Variants in ZNF677 observed in about 807,000 individuals in gnomAD.
ZNF677 encodes the protein hypothetical protein MGC48625.
In ZNF677, 5 loss-of-function variants were observed where a neutral mutation model predicts 8.1. The ratio of observed to expected loss-of-function variants is 0.62; its 90% CI spans 0.32 to 1.29. The LOEUF (loss-of-function observed/expected upper bound fraction) is 1.29. Ranked by LOEUF, ZNF677 falls within the 50% of genes most tolerant of loss-of-function variation. ZNF677 has a pLI of 0.05. For missense variants in ZNF677, 685 were observed against 685.9 expected, an observed-to-expected ratio of 1.00 and a Z score of 0.01; for synonymous variants, 221 against 225.6, an observed-to-expected ratio of 0.98 and a Z score of 0.18.
chr19:53,253,635 C>T (rs1386886972), intron 1 of ZNF677, among the ~76,000 whole-genome samples: 1 of 151,968 alleles, frequency 6.6e-6, no homozygotes, highest in East Asian at 1.9e-4. Context: ...TGCAGTGAGC[C>T]GAGATCAAGC....
intron 4 of ZNF677, chr19:53,239,321 A>G (rs536743941): frequency 6.6e-6 from 1 of 152,354 alleles, no homozygotes; most frequent in East Asian, 1.9e-4. Flanking sequence ...CTTATGAACT[A>G]CAGAAAAAAC....
chr19:53,236,819 T>C lies in ZNF677; in HGVS notation c.*153A>G, dbSNP rs372926616. On this transcript the variant is annotated 3_prime_UTR_variant, in exon 5 of 5. Coordinates refer to ENST00000598513, the MANE Select transcript of ZNF677 (RefSeq NM_182609.4). ...AGAATTCTATGATGTTCCACAAGGC[T>C]TGAACTTTGGATAAGCCTTGCCATA... 1 of 638,100 alleles carries C rather than the reference T, an allele frequency of 1.6e-6. No individual in the cohort carries two copies. 39.5% of individuals were successfully genotyped at this position (638,100 alleles called of 1,614,324 possible).
intron 3 of ZNF677, among the ~76,000 whole-genome samples, chr19:53,244,724 C>T (rs1246732264): frequency 1.3e-5 from 2 of 152,138 alleles, no homozygotes; most frequent in African/African-American, 2.4e-5. Flanking sequence ...ATCACAGTGA[C>T]ACTTTTTACA....
intron 3 of ZNF677, among the ~76,000 whole-genome samples, chr19:53,247,200 A>G (rs984438440): frequency 6.6e-6 from 1 of 152,158 alleles, no homozygotes. Context: ...CCTGGAGAAT[A>G]TGCTATGTGC....
At chr19:53,240,198 T>C (rs1195531248) in intron 4 of ZNF677, 1 of 152,158 alleles carries the variant, frequency 6.6e-6, no homozygotes, top group Non-Finnish European at 1.5e-5. Context: ...TATTCTGTGC[T>C]AAAAAGAAAT....
Position 53,237,007 on chromosome 19 carries a change from T to C in ZNF677, c.1720A>G (p.Asn574Asp). 1 of 1,585,756 alleles carries C rather than the reference T, an allele frequency of 6.3e-7. No individual in the cohort carries two copies. Among genetic ancestry groups the C allele is most frequent in the South Asian group, 1.2e-5 (1 of 84,664 alleles). The change falls in exon 5 of 5, where the codon AAT (asparagine) becomes GAT (aspartate). Residue 574 changes from asparagine to aspartate, a missense_variant. Coordinates refer to ENST00000598513, the MANE Select transcript of ZNF677 (RefSeq NM_182609.4). The stretch of plus-strand genomic sequence containing the variant: ...CTTGAATACTTAATTTTTGTCTCAT[T>C]ATATTTGATATGTTTTTCTCTATTA... ...SYNREKHIKY[N>D]ETKIKYSSCT
chr19:53,241,145 GA>G, intron 4 of ZNF677: 1 of 151,968 alleles, frequency 6.6e-6, no homozygotes, highest in East Asian at 1.9e-4. Flanking sequence ...ACTCAAGGAA[GA>G]AATCTTCTGG....
chr19:53,245,859 A>G (rs928161531), intron 3 of ZNF677, among the ~76,000 whole-genome samples: 2 of 151,996 alleles, frequency 1.3e-5, no homozygotes, highest in Non-Finnish European at 2.9e-5. Flanking sequence ...TAAAAACATA[A>G]AAATTAGCCA....
At chr19:53,254,336 C>G (rs1410506494) in intron 1 of ZNF677, among the ~76,000 whole-genome samples, 1 of 152,042 alleles carries the variant, frequency 6.6e-6, no homozygotes, top group Non-Finnish European at 1.5e-5. Flanking sequence ...GCTTCCCTTC[C>G]TCTCCTTCTC....
chr19:53,238,387 C>G lies in ZNF677; in HGVS notation c.340G>C (p.Val114Leu), dbSNP rs1358046831. The G allele has an allele frequency of 6.2e-7, 1 of 1,613,604 alleles. No homozygotes were observed. Among genetic ancestry groups the G allele is most frequent in the South Asian group, 1.1e-5 (1 of 90,916 alleles). The change falls in exon 5 of 5, where the codon GTA becomes CTA. Residue 114 changes from valine to leucine, a missense_variant. Val to Leu is a conservative substitution (Grantham distance 32, BLOSUM62 1). Coordinates refer to ENST00000598513, the MANE Select transcript of ZNF677 (RefSeq NM_182609.4). ...PKFDSLWDYD[V>L]KNYKGMPLTC... The stretch of plus-strand genomic sequence containing the variant: ...AAAGGCATTCCTTTGTAATTTTTTA[C>G]ATCATAGTCCCACAGGCTGTCAAAC...
Position 53,237,422 on chromosome 19 carries a change from C to G in ZNF677, c.1305G>C (p.Val435=), listed in dbSNP as rs1341959139. The change falls in exon 5 of 5, where the codon GTG becomes GTC. Residue 435 remains valine, a synonymous_variant. Transcript: ENST00000598513. ...AACTTTGGATAAAAGCCCTGCCACA[C>G]ACATTACATTTGTGTGGTTTCTCTC... ...HPGEKPHKCN[V]CGRAFIQSSS... The G allele has an allele frequency of 3.1e-6, 5 of 1,613,942 alleles. No individual in the cohort carries two copies. The East Asian group carries it at 8.9e-5, about 29-fold the overall frequency.
chr19:53,238,142 T>C lies in ZNF677; in HGVS notation c.585A>G (p.Leu195=), dbSNP rs2090995227. The C allele has an allele frequency of 3.1e-6, 5 of 1,613,648 alleles. No homozygotes were observed. The East Asian group carries it at 1.1e-4, about 36-fold the overall frequency. Residue 195 remains leucine (L), a synonymous_variant, in exon 5 of 5, where the codon TTA becomes TTG. Coordinates refer to ENST00000598513, the MANE Select transcript of ZNF677 (RefSeq NM_182609.4). Reference sequence around the variant, plus strand: ...TCTGTAGTTCAGCCAGCTGTGCCTGTAAGCTTAATCCAATTTTATTTTCAA... The same window carrying C: ...TCTGTAGTTCAGCCAGCTGTGCCTGCAAGCTTAATCCAATTTTATTTTCAA... The part of the protein sequence containing the change: ...KCFENKIGLS[L]QAQLAELQRF...
intron 1 of ZNF677, among the ~76,000 whole-genome samples, chr19:53,254,207 CT>C (rs1356762717): frequency 6.6e-6 from 1 of 152,086 alleles, no homozygotes; most frequent in Non-Finnish European, 1.5e-5. Flanking sequence ...GTGCCCCCCC[CT>C]TTCTCCACCA....
Position 53,237,181 on chromosome 19 carries a change from T to C in ZNF677, c.1546A>G (p.Lys516Glu). 1.2e-6 allele frequency: 2 copies of C among 1,613,094 alleles called. No individual in the cohort carries two copies. Among genetic ancestry groups the C allele is most frequent in the South Asian group, 2.2e-5 (2 of 91,014 alleles). ...KKIHTGEKPY[K>E]CTECGKAFTQ... ...AAAGCTTTGCCACATTCAGTACATTTGTAAGGTTTCTCTCCAGTATGGATT... is the reference window on the plus strand; with the variant it reads ...AAAGCTTTGCCACATTCAGTACATTCGTAAGGTTTCTCTCCAGTATGGATT... The change falls in exon 5 of 5, where the codon AAA becomes GAA. Residue 516 changes from lysine (K) to glutamate (E), a missense_variant. By Grantham distance (56) the Lys-to-Glu change is moderately conservative (BLOSUM62 1). Transcript: ENST00000598513.
In ZNF677 at chr19:53,236,212, G is replaced by T. The variant is rs1489474461; in HGVS notation, c.*760C>A. 1 of 151,934 alleles carries T rather than the reference G, an allele frequency of 6.6e-6. No individual in the cohort carries two copies. The highest frequency in any genetic ancestry group is 1.5e-5 in the Non-Finnish European group (1 of 67,948). 9.4% of individuals were successfully genotyped at this position (151,934 alleles called of 1,614,324 possible). ...GAGCAAGACTCTGTCTCCAAAAAAA[G>T]AAAAAATTAGTGTTCTTGCTTTTTC... On this transcript the variant is annotated 3_prime_UTR_variant, in exon 5 of 5. Transcript: ENST00000598513.
chr19:53,247,877 C>A (rs931462711), intron 3 of ZNF677, among the ~76,000 whole-genome samples: 1 of 152,130 alleles, frequency 6.6e-6, no homozygotes, highest in Non-Finnish European at 1.5e-5. Flanking sequence ...TAAAGGAAGT[C>A]TTTTATAAAC....
At chr19:53,253,532 T>C (rs1335269314) in intron 1 of ZNF677, among the ~76,000 whole-genome samples, 1 of 152,002 alleles carries the variant, frequency 6.6e-6, no homozygotes. Flanking sequence ...CTGCTAAAAA[T>C]ACAAATTCAC....
rs1247073923 is a variant in ZNF677, at chr19:53,237,017, A to T, written c.1710T>A (p.His570Gln). 6.3e-7 allele frequency: 1 copy of T among 1,591,910 alleles called. No homozygotes were observed. Among genetic ancestry groups the T allele is most frequent in the African/African-American group, 1.4e-5 (1 of 73,626 alleles). Residue 570 changes from histidine to glutamine, a missense_variant, in exon 5 of 5, where the codon CAT becomes CAA. His to Gln is a conservative substitution (Grantham distance 24, BLOSUM62 0). Coordinates refer to ENST00000598513, the MANE Select transcript of ZNF677 (RefSeq NM_182609.4). ...DHQKSYNREK[H>Q]IKYNETKIKY... Reference sequence around the variant, plus strand: ...TAATTTTTGTCTCATTATATTTGATATGTTTTTCTCTATTATAACTTTTTT... The same window carrying T: ...TAATTTTTGTCTCATTATATTTGATTTGTTTTTCTCTATTATAACTTTTTT...
chr19:53,250,102 C>A (rs1429888995), intron 3 of ZNF677, among the ~76,000 whole-genome samples: 1 of 152,080 alleles, frequency 6.6e-6, no homozygotes, highest in Non-Finnish European at 1.5e-5. Context: ...GAACTCCTGA[C>A]CTCAGGTGAT....
Sources: allele counts gnomAD v4.1 joint callset (sites outside exome capture counted in the v4.1 genomes callset), GRCh38; gene constraint gnomAD v4.1.1; transcripts MANE v1.5; gene names NCBI Gene and HGNC (gene_info 2026-07-23, HGNC 2026-07-21).